CMSS1: variants seen among roughly 807,000 people sequenced by gnomAD.
The protein encoded by CMSS1 is cms1 ribosomal small subunit homolog.
Under a neutral mutation model 43.5 loss-of-function variants are expected in CMSS1, and 33 were observed. The observed-to-expected ratio is 0.76, with a 90% CI of 0.57 to 1.01. The LOEUF (loss-of-function observed/expected upper bound fraction) is 1.01. Ranked by LOEUF, CMSS1 falls within the 50% of genes least tolerant of loss-of-function variation. CMSS1 has a pLI of 0.00. For synonymous variants in CMSS1, 115 were observed against 117.2 expected (o/e 0.98, Z 0.12); for missense variants, 313 against 326.4 (o/e 0.96, Z 0.32).
chr3:99,942,117 C>T lies in CMSS1; in HGVS notation c.64+124074C>T, dbSNP rs1369835485. 2.0e-5 allele frequency among the ~76,000 whole-genome samples: 3 copies of T among 151,612 alleles called. No individual in the cohort carries two copies. The East Asian group carries it at 5.8e-4, about 29-fold the overall frequency. ...CTGTAGTCCTGAGGCAGGAGAATGG[C>T]GTGAACCTGGGAGGTGGAGCTTTGT... On this transcript the variant is annotated intron_variant, in intron 1 of 9. Transcript: ENST00000421999.
chr3:100,033,335 G>T (rs559836018), intron 1 of CMSS1, among the ~76,000 whole-genome samples: 1 of 152,024 alleles, frequency 6.6e-6, no homozygotes, highest in African/African-American at 2.4e-5. Flanking sequence ...CACCTCTATC[G>T]AGTGGCAGCC....
intron 1 of CMSS1, among the ~76,000 whole-genome samples, chr3:99,889,056 T>C (rs573545727): frequency 6.6e-6 from 1 of 152,304 alleles, no homozygotes; most frequent in African/African-American, 2.4e-5. Flanking sequence ...TTTGTTCAGG[T>C]TCTCTATCTG....
chr3:100,073,658 TAA>T (rs1434563428), intron 1 of CMSS1, among the ~76,000 whole-genome samples: 2 of 152,194 alleles, frequency 1.3e-5, no homozygotes, highest in Non-Finnish European at 2.9e-5. Context: ...TTCATGCCAG[TAA>T]TAAACCTTGA....
At chr3:99,895,714 C>A (rs142469519) in intron 1 of CMSS1, among the ~76,000 whole-genome samples, 302 of 152,270 alleles carry the variant, frequency 2.0e-3, no homozygotes, top group African/African-American at 6.8e-3. Context: ...CTTCCTTAAT[C>A]TCCTTCATCT....
At chr3:99,914,071 G>A (rs1170033737) in intron 1 of CMSS1, among the ~76,000 whole-genome samples, 1 of 152,208 alleles carries the variant, frequency 6.6e-6, no homozygotes, top group African/African-American at 2.4e-5. Context: ...TTAAATTAGA[G>A]AGGGAATTTG....
At chr3:99,983,402 ATATATATATATATATATG>A (rs1709196276) in intron 1 of CMSS1, among the ~76,000 whole-genome samples, 7 of 110,406 alleles carry the variant, frequency 6.3e-5, no homozygotes, top group Non-Finnish European at 1.1e-4. Context: ...ATATATATAT[ATATATATATATATATATG>A]TATGTATGTA....
intron 1 of CMSS1, among the ~76,000 whole-genome samples, chr3:99,986,644 A>G (rs2107115207): frequency 6.6e-6 from 1 of 152,308 alleles, no homozygotes; most frequent in Admixed American, 6.5e-5. Flanking sequence ...ATTGATGAAG[A>G]TTAAATGAAG....
chr3:100,064,083 G>A (rs1227685618), intron 1 of CMSS1, among the ~76,000 whole-genome samples: 1 of 152,146 alleles, frequency 6.6e-6, no homozygotes, highest in Non-Finnish European at 1.5e-5. Context: ...TCTTTGTTTT[G>A]TTGCTTCTGG....
chr3:100,140,813 A>T (rs1389743356), intron 1 of CMSS1, among the ~76,000 whole-genome samples: 3 of 152,038 alleles, frequency 2.0e-5, no homozygotes, highest in African/African-American at 7.2e-5. Flanking sequence ...AAAGAAAAAA[A>T]ATTTTTTTAA....
intron 1 of CMSS1, among the ~76,000 whole-genome samples, chr3:99,982,158 T>G (rs981247645): frequency 1.3e-5 from 2 of 152,158 alleles, no homozygotes; most frequent in Admixed American, 6.5e-5. Flanking sequence ...TGCTATATAT[T>G]TCGGTATATG....
intron 1 of CMSS1, among the ~76,000 whole-genome samples, chr3:100,046,235 C>T (rs567551109): frequency 1.4e-4 from 22 of 152,192 alleles, no homozygotes; most frequent in Middle Eastern, 3.4e-3. Flanking sequence ...GATATTCCAG[C>T]GTTTGGATCC....
intron 1 of CMSS1, among the ~76,000 whole-genome samples, chr3:99,867,992 AAGAG>A (rs1465063612): frequency 6.6e-6 from 1 of 152,218 alleles, no homozygotes; most frequent in African/African-American, 2.4e-5. Flanking sequence ...TTAATTTCAA[AAGAG>A]ACTCTTTATT....
intron 1 of CMSS1, among the ~76,000 whole-genome samples, chr3:99,834,683 G>A (rs572108121): frequency 2.6e-5 from 4 of 151,850 alleles, no homozygotes; most frequent in Admixed American, 6.6e-5. Context: ...CCCCTCTCCT[G>A]TGTCTTTCTC....
chr3:99,879,762 T>A (rs1298052186), intron 1 of CMSS1, among the ~76,000 whole-genome samples: 1 of 152,172 alleles, frequency 6.6e-6, no homozygotes, highest in Non-Finnish European at 1.5e-5. Flanking sequence ...CTCTGTGAGA[T>A]AGTATATATG....
At chr3:100,159,648 A>G (rs2067005850) in intron 2 of CMSS1, among the ~76,000 whole-genome samples, 3 of 152,216 alleles carry the variant, frequency 2.0e-5, no homozygotes, top group Non-Finnish European at 4.4e-5. Context: ...GAAACATTTT[A>G]TACTCCTGCT....
chr3:99,904,027 T>G (rs1012304457), intron 1 of CMSS1, among the ~76,000 whole-genome samples: 2 of 152,252 alleles, frequency 1.3e-5, no homozygotes, highest in Non-Finnish European at 2.9e-5. Context: ...ATATGCATCT[T>G]GTTTTTCTAA....
intron 1 of CMSS1, among the ~76,000 whole-genome samples, chr3:99,852,612 A>G (rs1254316978): frequency 6.6e-6 from 1 of 151,772 alleles, no homozygotes; most frequent in African/African-American, 2.4e-5. Context: ...CGCCCAGCTA[A>G]TTTTTGTATT....
intron 1 of CMSS1, among the ~76,000 whole-genome samples, chr3:100,004,925 A>G (rs1046904058): frequency 6.6e-6 from 1 of 152,150 alleles, no homozygotes. Flanking sequence ...CCTCATACCC[A>G]TTAGATATTG....
At chr3:99,972,936 C>G (rs1047349625) in intron 1 of CMSS1, among the ~76,000 whole-genome samples, 1 of 152,146 alleles carries the variant, frequency 6.6e-6, no homozygotes, top group Non-Finnish European at 1.5e-5. Context: ...AACACATCAG[C>G]AAAGAGCATC....
Sources: gnomAD v4.1 joint callset for allele counts (sites outside exome capture counted in the v4.1 genomes callset) on GRCh38, gnomAD v4.1.1 for gene constraint, MANE v1.5 for transcripts, NCBI Gene and HGNC (gene_info 2026-07-23, HGNC 2026-07-21) for gene names.